SMIM14: variants seen among roughly 807,000 people sequenced by gnomAD.
The protein encoded by SMIM14 is chromosome 4 open reading frame 34.
Under a neutral mutation model 12.6 loss-of-function variants are expected in SMIM14, and 5 were observed. The observed-to-expected ratio is 0.40, with a 90% CI of 0.21 to 0.83. The LOEUF (loss-of-function observed/expected upper bound fraction) is 0.83, where lower values mean the gene tolerates loss of function less well. Among genes scored for constraint, SMIM14 ranks in the 40% least tolerant of loss-of-function variants. The pLI is 0.37. For missense variants in SMIM14, 86 were observed against 119.1 expected, an observed-to-expected ratio of 0.72 and a Z score of 1.29; for synonymous variants, 30 against 40.1, an observed-to-expected ratio of 0.75 and a Z score of 0.95.
chr4:39,582,877 C>T (rs1288670618), intron 2 of SMIM14, among the ~76,000 whole-genome samples: 1 of 151,946 alleles, frequency 6.6e-6, no homozygotes, highest in African/African-American at 2.4e-5. Context: ...TCACCACAAC[C>T]TCCGCCTCCC....
chr4:39,592,055 G>C lies in SMIM14; in HGVS notation c.75+13016C>G, dbSNP rs192826461. Among the ~76,000 whole-genome samples, 760 of 152,060 alleles carry C rather than the reference G, an allele frequency of 5.0e-3. 10 individuals are homozygous for C. The highest frequency in any genetic ancestry group is 0.017 in the African/African-American group (702 of 41,460). ...AAAAAAAAATACAAAAATTAGCCAG[G>C]CACAATGGTGTGTACCTGTAGAACC... On this transcript the variant is annotated intron_variant, in intron 2 of 4. Coordinates refer to ENST00000295958, the MANE Select transcript of SMIM14 (RefSeq NM_174921.3).
intron 1 of SMIM14, among the ~76,000 whole-genome samples, chr4:39,626,415 G>C (rs1340364217): frequency 6.6e-6 from 1 of 152,202 alleles, no homozygotes; most frequent in East Asian, 1.9e-4. Flanking sequence ...GAATTGGAAA[G>C]AGGAAAGAAC....
At chr4:39,559,690 C>T (rs1465503066) in intron 3 of SMIM14, among the ~76,000 whole-genome samples, 5 of 152,182 alleles carry the variant, frequency 3.3e-5, no homozygotes, top group Middle Eastern at 3.4e-3. Context: ...TTAAGAGTTG[C>T]GCTGGCCCTG....
intron 1 of SMIM14, among the ~76,000 whole-genome samples, chr4:39,633,054 G>A (rs1386788132): frequency 6.6e-6 from 1 of 151,882 alleles, no homozygotes; most frequent in Non-Finnish European, 1.5e-5. Flanking sequence ...AGCACTTTGG[G>A]AGGCCCAGAC....
chr4:39,632,691 T>C (rs988347928), intron 1 of SMIM14, among the ~76,000 whole-genome samples: 1 of 150,134 alleles, frequency 6.7e-6, no homozygotes, highest in African/African-American at 2.5e-5. Flanking sequence ...GGTGGGTTGG[T>C]AGCTTGAGCC....
intron 2 of SMIM14, among the ~76,000 whole-genome samples, chr4:39,590,022 C>CAAAAAAAAAAA (rs34159677): frequency 2.8e-5 from 2 of 71,318 alleles, no homozygotes; most frequent in Admixed American, 1.9e-4. Context: ...GACTCTGTTT[C>CAAAAAAAAAAA]AAAAAAAAAA....
Position 39,612,108 on chromosome 4 carries a change from C to T in SMIM14, c.-35-6928G>A, listed in dbSNP as rs570992832. On this transcript the variant is annotated intron_variant, in intron 1 of 4. Transcript: ENST00000295958. ...GTTTTGTCTGAGGCCACTCTGTCAA[C>T]ACCTTTAAAAAAAAAAAAGGGTGAT... is the stretch of plus-strand genomic sequence containing the variant. 5.3e-5 allele frequency: 8 copies of T among 149,754 alleles called. No homozygotes were observed. The East Asian group carries it at 1.6e-3, about 29-fold the overall frequency. 9.3% of individuals were successfully genotyped at this position (149,754 alleles called of 1,614,324 possible). A position where few individuals can be genotyped will look rare whatever the true frequency, so the allele number is the denominator to read the frequency against.
At chr4:39,616,496 T>C (rs1715230046) in intron 1 of SMIM14, among the ~76,000 whole-genome samples, 2 of 152,122 alleles carry the variant, frequency 1.3e-5, no homozygotes, top group Admixed American at 6.6e-5. Context: ...CTAACAGACA[T>C]AAACTGAAAG....
At chr4:39,634,235 T>C (rs1319046545) in intron 1 of SMIM14, among the ~76,000 whole-genome samples, 2 of 152,150 alleles carry the variant, frequency 1.3e-5, no homozygotes, top group African/African-American at 4.8e-5. Flanking sequence ...CCGCAGAATG[T>C]TTTTTAAGGT....
In SMIM14 at chr4:39,606,225, G is replaced by A. The variant is rs1280387625; in HGVS notation, c.-35-1045C>T. Among the ~76,000 whole-genome samples, 5 of 151,826 alleles carry A rather than the reference G, an allele frequency of 3.3e-5. No individual in the cohort carries two copies. In the East Asian group the frequency reaches 9.7e-4, roughly 30 times the overall value. On this transcript the variant is annotated intron_variant, in intron 1 of 4. Coordinates refer to ENST00000295958, the MANE Select transcript of SMIM14 (RefSeq NM_174921.3). ...GCTGGGCATGGTGGCACAAACCTGT[G>A]GTCCCAGCTACTCAGAAGGCTGAGG...
At chr4:39,592,898 G>A (rs1005693261) in intron 2 of SMIM14, 1 of 152,168 alleles carries the variant, frequency 6.6e-6, no homozygotes, top group Admixed American at 6.6e-5. Flanking sequence ...CTCTGAAATT[G>A]TGGCAATAAT....
chr4:39,609,409 C>A (rs1714941824), intron 1 of SMIM14, among the ~76,000 whole-genome samples: 1 of 152,058 alleles, frequency 6.6e-6, no homozygotes, highest in African/African-American at 2.4e-5. Context: ...GAAGATTTTA[C>A]TGAAGAAATT....
chr4:39,630,512 C>T (rs1407200868), intron 1 of SMIM14, among the ~76,000 whole-genome samples: 3 of 152,080 alleles, frequency 2.0e-5, no homozygotes, highest in Non-Finnish European at 4.4e-5. Context: ...CACAAAGATG[C>T]GCATAAACAT....
intron 2 of SMIM14, among the ~76,000 whole-genome samples, chr4:39,577,635 C>T (rs1363144120): frequency 6.6e-6 from 1 of 152,060 alleles, no homozygotes; most frequent in Non-Finnish European, 1.5e-5. Flanking sequence ...ACCATGTTGG[C>T]CAGGCTGGTC....
intron 1 of SMIM14, among the ~76,000 whole-genome samples, chr4:39,608,853 G>A (rs903936053): frequency 6.6e-6 from 1 of 152,174 alleles, no homozygotes; most frequent in Non-Finnish European, 1.5e-5. Flanking sequence ...AAGTTTGCAG[G>A]GGAAATAGGG....
At chr4:39,638,683 T>G (rs951948105) in intron 1 of SMIM14, 56 bp downstream of exon 1, 48 of 983,386 alleles carry the variant, frequency 4.9e-5, no homozygotes, top group Non-Finnish European at 5.5e-5. Context: ...CAGGAAAAAC[T>G]GGGGCGAGGG....
At chr4:39,589,127 C>A (rs1357281098) in intron 2 of SMIM14, among the ~76,000 whole-genome samples, 1 of 152,164 alleles carries the variant, frequency 6.6e-6, no homozygotes, top group Non-Finnish European at 1.5e-5. Context: ...CGCTCTGTCA[C>A]CCAGGCTGGA....
chr4:39,571,007 T>C (rs1712850109), intron 3 of SMIM14, among the ~76,000 whole-genome samples: 1 of 152,176 alleles, frequency 6.6e-6, no homozygotes, highest in Admixed American at 6.5e-5. Context: ...AATACTATTT[T>C]ACTAGTTCCC....
chr4:39,583,000 C>T (rs949868377), intron 2 of SMIM14, among the ~76,000 whole-genome samples: 1 of 151,996 alleles, frequency 6.6e-6, no homozygotes, highest in Non-Finnish European at 1.5e-5. Context: ...CCATGTTGGC[C>T]AGGCTGGTTT....
Sources: gnomAD v4.1 joint callset for allele counts (sites outside exome capture counted in the v4.1 genomes callset) on GRCh38, gnomAD v4.1.1 for gene constraint, MANE v1.5 for transcripts, NCBI Gene and HGNC (gene_info 2026-07-23, HGNC 2026-07-21) for gene names.